The following AGBL4 variants were observed in gnomAD, a reference collection of about 807,000 sequenced individuals.
The protein encoded by AGBL4 is cytosolic carboxypeptidase 6.
In AGBL4, 58 loss-of-function variants were observed where a neutral mutation model predicts 66.4. The ratio of observed to expected loss-of-function variants is 0.87; its 90% CI spans 0.71 to 1.09. The LOEUF is 1.09. Ranked by LOEUF, AGBL4 falls within the 50% of genes least tolerant of loss-of-function variation. AGBL4 has a pLI of 0.00. For synonymous variants in AGBL4, 234 were observed against 222.9 expected (o/e 1.05, Z -0.44); for missense variants, 579 against 631.0 (o/e 0.92, Z 0.88).
chr1:49,881,454 A>T lies in AGBL4; in HGVS notation c.35-29936T>A, dbSNP rs576725674. Among the ~76,000 whole-genome samples the T allele has an allele frequency of 2.4e-3, 372 of 151,956 alleles. 1 individual carries two copies. The highest frequency in any genetic ancestry group is 8.7e-3 in the African/African-American group (360 of 41,370). On this transcript the variant is annotated intron_variant, in intron 1 of 13. Transcript: ENST00000371839. ...ATTTCTAGTTCTCGATCCCTGAGGA[A>T]TCGCCACACTGACTTCCACAATGGT... is the stretch of plus-strand genomic sequence containing the variant.
intron 4 of AGBL4, among the ~76,000 whole-genome samples, chr1:49,236,896 G>A (rs1650795751): frequency 6.6e-6 from 1 of 151,952 alleles, no homozygotes; most frequent in Non-Finnish European, 1.5e-5. Context: ...ACCTCGGTGG[G>A]GAGGTAATTG....
intron 2 of AGBL4, among the ~76,000 whole-genome samples, chr1:49,769,908 G>T (rs1644005396): frequency 6.6e-6 from 1 of 152,106 alleles, no homozygotes; most frequent in Admixed American, 6.5e-5. Context: ...TCTTGGCAAA[G>T]AATTCATGAC....
At chr1:49,650,580 C>G (rs974349259) in intron 3 of AGBL4, among the ~76,000 whole-genome samples, 13 of 152,196 alleles carry the variant, frequency 8.5e-5, no homozygotes, top group Non-Finnish European at 7.3e-5. Context: ...ATTGCTCTTC[C>G]TGGGGATCCT....
rs138783761 is a variant in AGBL4, at chr1:49,517,945, A to G, written c.282+179368T>C. Among the ~76,000 whole-genome samples the G allele has an allele frequency of 1.9e-4, 29 of 152,132 alleles. 1 individual carries two copies. Among genetic ancestry groups the G allele is most frequent in the Non-Finnish European group, 4.0e-4 (27 of 67,988 alleles). On this transcript the variant is annotated intron_variant, in intron 3 of 13. Transcript: ENST00000371839. ...TTACAAATTCTGTTCCTTTATCAAT[A>G]ATCTCCCTACCTTTGCTATTGTACC... is the stretch of plus-strand genomic sequence containing the variant.
At chr1:49,289,096 G>T (rs1200888791) in intron 3 of AGBL4, among the ~76,000 whole-genome samples, 3 of 152,040 alleles carry the variant, frequency 2.0e-5, no homozygotes, top group Non-Finnish European at 4.4e-5. Flanking sequence ...TTAAGGTATT[G>T]ACAGGGGCTT....
At chr1:48,647,701 T>G in intron 8 of AGBL4, 1 of 404,472 alleles carries the variant, frequency 2.5e-6, no homozygotes, top group Non-Finnish European at 4.9e-6. Context: ...GCATTACCTA[T>G]GCTCAGAAAG....
At chr1:49,819,518 T>C (rs1330808193) in intron 2 of AGBL4, among the ~76,000 whole-genome samples, 6 of 152,154 alleles carry the variant, frequency 3.9e-5, no homozygotes, top group East Asian at 1.9e-4. Flanking sequence ...CAAGACCACA[T>C]AGATAATAAG....
rs1344345598 is a variant in AGBL4, at chr1:50,023,868, G to T, written c.-72C>A. 5.4e-6 allele frequency: 8 copies of T among 1,493,708 alleles called. No homozygotes were observed. The highest frequency in any genetic ancestry group is 1.3e-5 in the South Asian group (1 of 78,776). 92.5% of individuals were successfully genotyped at this position (1,493,708 alleles called of 1,614,324 possible). On this transcript the variant is annotated 5_prime_UTR_variant, in exon 1 of 14. Transcript: ENST00000371839. Reference sequence around the variant, plus strand: ...GTAGGGAGCGGGTGGTGGGATCAGTGGGCTGACAGGAGCTACCTCAGGAAG... The same window carrying T: ...GTAGGGAGCGGGTGGTGGGATCAGTTGGCTGACAGGAGCTACCTCAGGAAG...
At chr1:49,292,416 AG>A (rs1644557796) in intron 3 of AGBL4, among the ~76,000 whole-genome samples, 1 of 152,198 alleles carries the variant, frequency 6.6e-6, no homozygotes, top group Non-Finnish European at 1.5e-5. Flanking sequence ...CCATGCTGCC[AG>A]TCCTGCTGAC....
chr1:48,691,505 A>C (rs920763960), intron 6 of AGBL4, among the ~76,000 whole-genome samples: 2 of 152,138 alleles, frequency 1.3e-5, no homozygotes, highest in African/African-American at 4.8e-5. Context: ...AGATGGATGT[A>C]ATGTCATGAG....
intron 1 of AGBL4, among the ~76,000 whole-genome samples, chr1:49,909,496 C>A (rs1412132355): frequency 6.6e-6 from 1 of 151,976 alleles, no homozygotes; most frequent in African/African-American, 2.4e-5. Context: ...AGCATATATC[C>A]TGAGGTGAGA....
At chr1:49,495,617 G>T (rs1647482019) in intron 3 of AGBL4, among the ~76,000 whole-genome samples, 1 of 151,548 alleles carries the variant, frequency 6.6e-6, no homozygotes, top group Admixed American at 6.6e-5. Flanking sequence ...AAAATTTCCA[G>T]AAATAACAAT....
rs1032286598 is a variant in AGBL4, at chr1:49,367,939, C to T, written c.283-122075G>A. On this transcript the variant is annotated intron_variant, in intron 3 of 13. Coordinates refer to ENST00000371839, the MANE Select transcript of AGBL4 (RefSeq NM_032785.4). Reference sequence around the variant, plus strand: ...CCTCATCGCCCCCACTCCTCTCCACCCATTGGCAACCACTAATCTGCTTTC... The same window carrying T: ...CCTCATCGCCCCCACTCCTCTCCACTCATTGGCAACCACTAATCTGCTTTC... Among the ~76,000 whole-genome samples the T allele has an allele frequency of 5.9e-5, 9 of 152,118 alleles. 1 individual carries two copies. Among genetic ancestry groups the T allele is most frequent in the Admixed American group, 5.2e-4 (8 of 15,272 alleles).
chr1:48,770,839 T>C (rs556701181), intron 6 of AGBL4, among the ~76,000 whole-genome samples: 67 of 152,286 alleles, frequency 4.4e-4, no homozygotes, highest in African/African-American at 1.6e-3. Flanking sequence ...CCTTAAAATA[T>C]CTCAGGTCCA....
intron 1 of AGBL4, among the ~76,000 whole-genome samples, chr1:49,891,030 T>C (rs1218805765): frequency 6.6e-6 from 1 of 152,104 alleles, no homozygotes; most frequent in Non-Finnish European, 1.5e-5. Flanking sequence ...TTAGATAAGA[T>C]GGTAGGGAAG....
chr1:49,936,287 A>C (rs1489114856), intron 1 of AGBL4, among the ~76,000 whole-genome samples: 1 of 152,204 alleles, frequency 6.6e-6, no homozygotes, highest in Non-Finnish European at 1.5e-5. Flanking sequence ...AGTTTAGAGA[A>C]AAAAGAATAA....
Position 48,693,703 on chromosome 1 carries a change from A to G in AGBL4, c.635-30462T>C, listed in dbSNP as rs1570272483. ...GAAGGATCCAAGAACAAGCCTGGTG[A>G]CATCCATTTCTCGGTCACTTCACAG... is the stretch of plus-strand genomic sequence containing the variant. On this transcript the variant is annotated intron_variant, in intron 6 of 13. Coordinates refer to ENST00000371839, the MANE Select transcript of AGBL4 (RefSeq NM_032785.4). Among the ~76,000 whole-genome samples the G allele has an allele frequency of 2.6e-5, 4 of 152,262 alleles. 1 individual carries two copies. The highest frequency in any genetic ancestry group is 9.6e-5 in the African/African-American group (4 of 41,536).
intron 3 of AGBL4, among the ~76,000 whole-genome samples, chr1:49,583,048 G>A (rs183958404): frequency 5.5e-4 from 84 of 152,246 alleles, no homozygotes; most frequent in African/African-American, 1.2e-4. Context: ...AGTGATACAC[G>A]TGTTAGGAGT....
chr1:49,861,203 A>G (rs1646563083), intron 1 of AGBL4, among the ~76,000 whole-genome samples: 1 of 152,180 alleles, frequency 6.6e-6, no homozygotes, highest in African/African-American at 2.4e-5. Context: ...AGTCTAGGCC[A>G]TAAGAACTGC....
Sources: gnomAD v4.1 joint callset for allele counts (sites outside exome capture counted in the v4.1 genomes callset) on GRCh38, gnomAD v4.1.1 for gene constraint, MANE v1.5 for transcripts, NCBI Gene and HGNC (gene_info 2026-07-23, HGNC 2026-07-21) for gene names.